MICU3: variants seen among roughly 807,000 people sequenced by gnomAD.
The protein encoded by MICU3 is calcium uptake protein 3, mitochondrial.
In MICU3, 62 loss-of-function variants were observed where a neutral mutation model predicts 66.5. The ratio of observed to expected loss-of-function variants is 0.93; its 90% CI spans 0.76 to 1.15. MICU3 has a LOEUF of 1.15. MICU3 is among the 50% of genes most tolerant of loss of function. MICU3 has a pLI of 0.00. For synonymous variants in MICU3, 308 were observed against 240.7 expected (o/e 1.28, Z -2.59); for missense variants, 779 against 664.4 (o/e 1.17, Z -1.90).
At position 17,100,516 on chromosome 8, in the gene MICU3, C is replaced by T. The variant is rs915573842; in HGVS notation, c.984+1963C>T. Among the ~76,000 whole-genome samples, 7 of 151,438 alleles carry T rather than the reference C, an allele frequency of 4.6e-5. 1 individual carries two copies. Among genetic ancestry groups the T allele is most frequent in the Admixed American group, 4.0e-4 (6 of 15,140 alleles). On this transcript the variant is annotated intron_variant, in intron 9 of 14. Transcript: ENST00000318063. ...CCTTATAGGTTACTGTGAATACCAG[C>T]GGAACACAGAATTGTTTATAGTATT...
chr8:17,053,357 C>T (rs567525533), intron 1 of MICU3, among the ~76,000 whole-genome samples: 1 of 152,148 alleles, frequency 6.6e-6, no homozygotes, highest in African/African-American at 2.4e-5. Context: ...TAGACCTTAA[C>T]ACAGAGTAAA....
intron 1 of MICU3, among the ~76,000 whole-genome samples, chr8:17,062,070 C>G (rs1817911081): frequency 6.6e-6 from 1 of 152,206 alleles, no homozygotes; most frequent in Admixed American, 6.5e-5. Context: ...TTAAATTAAA[C>G]TCCGGGGCTT....
the MICU3 span, among the ~76,000 whole-genome samples, chr8:17,134,948 A>G: frequency 1.3e-5 from 2 of 152,050 alleles, no homozygotes; most frequent in Non-Finnish European, 2.9e-5. Context: ...AACCATCACA[A>G]CACCTTTATA....
At chr8:17,079,174 A>G (rs1359030103) in intron 4 of MICU3, among the ~76,000 whole-genome samples, 1 of 152,072 alleles carries the variant, frequency 6.6e-6, no homozygotes, top group African/African-American at 2.4e-5. Flanking sequence ...AGGGGATAGA[A>G]TCTATGCTGC....
At chr8:17,079,583 C>A (rs1319413520) in intron 4 of MICU3, among the ~76,000 whole-genome samples, 1 of 151,794 alleles carries the variant, frequency 6.6e-6, no homozygotes, top group Non-Finnish European at 1.5e-5. Flanking sequence ...CATTTTGTCA[C>A]CCAGGCGGGA....
At chr8:17,046,523 A>G (rs1241388778) in intron 1 of MICU3, among the ~76,000 whole-genome samples, 1 of 152,234 alleles carries the variant, frequency 6.6e-6, no homozygotes, top group Non-Finnish European at 1.5e-5. Context: ...CACTGTACTT[A>G]TAAGAAATTG....
intron 11 of MICU3, among the ~76,000 whole-genome samples, chr8:17,107,103 A>G (rs1293184976): frequency 6.6e-6 from 1 of 152,176 alleles, no homozygotes; most frequent in African/African-American, 2.4e-5. Context: ...CACTGGGGTT[A>G]AAGTGGCAAC....
intron 6 of MICU3, among the ~76,000 whole-genome samples, chr8:17,085,583 TGGA>T (rs2150739908): frequency 6.6e-6 from 1 of 152,202 alleles, no homozygotes; most frequent in African/African-American, 2.4e-5. Context: ...TTCTGTTGGG[TGGA>T]TAACAGGCAG....
At chr8:17,029,677 T>A (rs1343380410) in intron 1 of MICU3, among the ~76,000 whole-genome samples, 1 of 152,136 alleles carries the variant, frequency 6.6e-6, no homozygotes, top group African/African-American at 2.4e-5. Flanking sequence ...ACTTTTATGA[T>A]CTGTTTATCC....
At chr8:17,127,212 A>G (rs984010896), downstream of MICU3, among the ~76,000 whole-genome samples, 4 of 152,212 alleles carry the variant, frequency 2.6e-5, no homozygotes, top group Non-Finnish European at 5.9e-5. Flanking sequence ...CTGAAAATCT[A>G]TACTTTTTTA....
chr8:17,109,533 A>G (rs1397834795), intron 11 of MICU3, among the ~76,000 whole-genome samples: 15 of 152,146 alleles, frequency 9.9e-5, no homozygotes, highest in African/African-American at 2.2e-4. Flanking sequence ...GTGCAGAACT[A>G]TCTCCAAGAT....
intron 1 of MICU3, among the ~76,000 whole-genome samples, chr8:17,034,331 G>C (rs891999874): frequency 6.6e-6 from 1 of 152,198 alleles, no homozygotes; most frequent in Non-Finnish European, 1.5e-5. Context: ...CACCCAAGAG[G>C]TCTGATGGAG....
intron 11 of MICU3, among the ~76,000 whole-genome samples, chr8:17,106,928 A>G (rs964983074): frequency 6.6e-6 from 1 of 152,064 alleles, no homozygotes; most frequent in Non-Finnish European, 1.5e-5. Flanking sequence ...CCTTCCGCCT[A>G]CTTAACTCTT....
downstream of MICU3, among the ~76,000 whole-genome samples, chr8:17,125,555 C>G (rs143485947): frequency 3.3e-5 from 5 of 152,228 alleles, no homozygotes; most frequent in African/African-American, 1.2e-4. Context: ...GCATTTCATA[C>G]GAGGAATCTT....
chr8:17,130,064 C>T, the MICU3 span, among the ~76,000 whole-genome samples: 33 of 152,124 alleles, frequency 2.2e-4, no homozygotes, highest in African/African-American at 3.1e-4. Flanking sequence ...TAAATACTGT[C>T]GGAGAGAATG....
chr8:17,050,376 G>A (rs1446945177), intron 1 of MICU3, among the ~76,000 whole-genome samples: 2 of 151,536 alleles, frequency 1.3e-5, no homozygotes, highest in Admixed American at 1.3e-4. Context: ...TGTACTTCTA[G>A]TTAATTTACT....
chr8:17,085,804 T>C lies in MICU3; in HGVS notation c.777+486T>C, dbSNP rs116965121. On this transcript the variant is annotated intron_variant, in intron 6 of 14. Coordinates refer to ENST00000318063, the MANE Select transcript of MICU3 (RefSeq NM_181723.3). ...TCTGTTATCTTTGACCATAGGCTGA[T>C]AGTTCTTAGATATTTACCTTTTGAT... 1.4e-4 allele frequency among the ~76,000 whole-genome samples: 21 copies of C among 152,258 alleles called. 1 individual carries two copies. The East Asian group carries it at 3.9e-3, about 28-fold the overall frequency.
chr8:17,131,121 G>A, the MICU3 span: 1 of 152,110 alleles, frequency 6.6e-6, no homozygotes, highest in Non-Finnish European at 1.5e-5. Context: ...ATTTAAACAA[G>A]GAAATTTTAA....
At chr8:17,109,218 A>G (rs1017960412) in intron 11 of MICU3, among the ~76,000 whole-genome samples, 6 of 152,040 alleles carry the variant, frequency 3.9e-5, no homozygotes, top group Admixed American at 3.3e-4. Context: ...TTCCTAACAA[A>G]TATGTTTTAT....
Sources: gnomAD v4.1 joint callset for allele counts (sites outside exome capture counted in the v4.1 genomes callset) on GRCh38, gnomAD v4.1.1 for gene constraint, MANE v1.5 for transcripts, NCBI Gene and HGNC (gene_info 2026-07-23, HGNC 2026-07-21) for gene names.